The following MED1 variants were observed in gnomAD, a reference collection of about 807,000 sequenced individuals.
MED1 encodes mediator complex subunit 1, also known as mediator of RNA polymerase II transcription subunit 1.
Under a neutral mutation model 121.3 loss-of-function variants are expected in MED1, and 17 were observed. The observed-to-expected ratio is 0.14, with a 90% confidence interval of 0.10 to 0.21. The LOEUF (loss-of-function observed/expected upper bound fraction) is 0.21. Among genes scored for constraint, MED1 ranks in the 10% least tolerant of loss-of-function variants. The pLI, the probability that MED1 is intolerant of heterozygous loss-of-function variation, is 1.00. For synonymous variants in MED1, 661 were observed against 694.4 expected (o/e 0.95, Z 0.76); for missense variants, 1,558 against 1,919.4 (o/e 0.81, Z 3.52).
At chr17:39,442,364 G>A (rs541854560) in intron 3 of MED1, among the ~76,000 whole-genome samples, 2 of 151,736 alleles carry the variant, frequency 1.3e-5, no homozygotes, top group Admixed American at 6.6e-5. Context: ...TTGGGAGGCC[G>A]AGGCGGGTGG....
At position 39,405,742 on chromosome 17, in the gene MED1, G is replaced by A. The variant is rs1223974123; in HGVS notation, c.*1733C>T. ...AGTGGCAGAGTTGTTGAGAGCTGAT[G>A]ACAATAAAAAGGAGAACACTAGAGG... On this transcript the variant is annotated 3_prime_UTR_variant, in exon 17 of 17. Coordinates refer to ENST00000300651, the MANE Select transcript of MED1 (RefSeq NM_004774.4). 2 of 988,790 alleles carry A rather than the reference G, an allele frequency of 2.0e-6. No individual in the cohort carries two copies. Among genetic ancestry groups the A allele is most frequent in the South Asian group, 4.6e-5 (1 of 21,534 alleles). 61.3% of individuals were successfully genotyped at this position (988,790 alleles called of 1,614,324 possible). A position where few individuals can be genotyped will look rare whatever the true frequency, so the allele number is the denominator to read the frequency against.
chr17:39,443,931 C>A (rs1351190014), intron 2 of MED1, among the ~76,000 whole-genome samples: 1 of 151,962 alleles, frequency 6.6e-6, no homozygotes, highest in East Asian at 1.9e-4. Context: ...GAGTTCGAGA[C>A]CAGCCAAGGC....
chr17:39,409,806 G>A lies in MED1; in HGVS notation c.2415C>T (p.Thr805=). The A allele has an allele frequency of 6.2e-7, 1 of 1,614,062 alleles. No individual in the cohort carries two copies. The highest frequency in any genetic ancestry group is 2.2e-5 in the East Asian group (1 of 44,894). The change falls in exon 17 of 17, where the codon ACC becomes ACT. Residue 805 remains threonine, a synonymous_variant. Coordinates refer to ENST00000300651, the MANE Select transcript of MED1 (RefSeq NM_004774.4). ...STSDDCPAIG[T]PLRDSSSSGH... ...CAGAGCTTGAAGAATCTCGAAGAGG[G>A]GTGCCAATGGCTGGGCAATCATCAC...
At chr17:39,439,142 G>C in intron 6 of MED1, 23 bp downstream of exon 6, 1 of 1,588,972 alleles carries the variant, frequency 6.3e-7, no homozygotes, top group Non-Finnish European at 8.5e-7. Context: ...CAATATCAAG[G>C]AATATAAATC....
At chr17:39,439,091 ACCAGTCTTAAAAG>A in intron 6 of MED1, 61 bp downstream of exon 6, 1 of 1,325,624 alleles carries the variant, frequency 7.5e-7, no homozygotes. Flanking sequence ...ATAACTTCTG[ACCAGTCTTAAAAG>A]CCAGCTGTAA....
At chr17:39,412,673 G>A (rs899646003) in intron 16 of MED1, among the ~76,000 whole-genome samples, 16 of 151,624 alleles carry the variant, frequency 1.1e-4, no homozygotes, top group Non-Finnish European at 1.9e-4. Context: ...AAGTAGCTGG[G>A]ATTACAGAAG....
At chr17:39,419,210 G>A (rs371750179) in intron 14 of MED1, among the ~76,000 whole-genome samples, 1 of 151,908 alleles carries the variant, frequency 6.6e-6, no homozygotes, top group Non-Finnish European at 1.5e-5. Flanking sequence ...TCAGGATCCC[G>A]AGTAGCTGGG....
intron 16 of MED1, among the ~76,000 whole-genome samples, chr17:39,413,314 G>T (rs970409554): frequency 2.6e-5 from 4 of 152,116 alleles, no homozygotes; most frequent in African/African-American, 9.7e-5. Flanking sequence ...CCAGGCTAAA[G>T]AACAGTGGCG....
chr17:39,440,161 C>G lies in MED1; in HGVS notation c.399+225G>C, dbSNP rs1296650445. On this transcript the variant is annotated intron_variant, in intron 5 of 16. Transcript: ENST00000300651. This position sits in a 1 kb window ranked among gnomAD's most constrained non-coding sequence, Gnocchi z 4.1. ...GGAAGGAAGGAAAGGGAAAAGGGTT[C>G]CTATGGTGTTTCCACTTGTTAAAGC... Among the ~76,000 whole-genome samples the G allele has an allele frequency of 6.6e-6, 1 of 151,882 alleles. No homozygotes were observed. Among genetic ancestry groups the G allele is most frequent in the East Asian group, 1.9e-4 (1 of 5,184 alleles).
chr17:39,439,277 G>T, intron 5 of MED1, 84 bp from the exon 6 acceptor site: 1 of 1,059,296 alleles, frequency 9.4e-7, no homozygotes, highest in Non-Finnish European at 1.4e-6. Flanking sequence ...TTTTTCTATA[G>T]CACATGTTTT....
Position 39,405,829 on chromosome 17 carries a change from G to A in MED1, c.*1646C>T. The A allele has an allele frequency of 1.1e-5, 11 of 985,726 alleles. No individual in the cohort carries two copies. The highest frequency in any genetic ancestry group is 1.3e-5 in the Non-Finnish European group (11 of 830,182). The allele number at this position is 985,726 out of a possible 1,614,324, so 61.1% of individuals were successfully genotyped here. ...AACTCTATGCTGACTCCAACCTGCA[G>A]AAAAAGCTGAATATAGAAATCTTCT... On this transcript the variant is annotated 3_prime_UTR_variant, in exon 17 of 17. Transcript: ENST00000300651.
chr17:39,435,414 T>C (rs2048609103), intron 6 of MED1, among the ~76,000 whole-genome samples: 1 of 151,948 alleles, frequency 6.6e-6, no homozygotes, highest in Non-Finnish European at 1.5e-5. Context: ...GTCGGACAAA[T>C]GGGCTTTTGT....
chr17:39,426,295 G>T (rs2048514730), intron 10 of MED1, among the ~76,000 whole-genome samples: 1 of 151,764 alleles, frequency 6.6e-6, no homozygotes, highest in African/African-American at 2.4e-5. Context: ...AAAAATACAA[G>T]AATTAGCCGG....
Position 39,440,509 on chromosome 17 carries a change from A to C in MED1, c.276T>G (p.Ser92=), listed in dbSNP as rs760045694. ...ATTCAGTGCCACTGGCACTGAGATG[A>C]GAGCCCAGTCTAGCAGGAACAAATC... ...ESIARQNGLG[S]HLSASGTECY... The change falls in exon 5 of 17, where the codon TCT becomes TCG. Residue 92 remains serine (S), a synonymous_variant. Coordinates refer to ENST00000300651, the MANE Select transcript of MED1 (RefSeq NM_004774.4). This position sits in a 1 kb window ranked among gnomAD's most constrained non-coding sequence, Gnocchi z 4.1. The C allele has an allele frequency of 6.2e-7, 1 of 1,610,948 alleles. No individual in the cohort carries two copies. Among genetic ancestry groups the C allele is most frequent in the South Asian group, 1.1e-5 (1 of 90,236 alleles).
At chr17:39,416,631 C>G (rs1040624280) in intron 14 of MED1, among the ~76,000 whole-genome samples, 3 of 152,140 alleles carry the variant, frequency 2.0e-5, no homozygotes, top group African/African-American at 7.2e-5. Flanking sequence ...CATATATGCT[C>G]TATGTTATTA....
At chr17:39,432,792 C>A (rs1054139401) in intron 7 of MED1, among the ~76,000 whole-genome samples, 20 of 151,562 alleles carry the variant, frequency 1.3e-4, no homozygotes, top group African/African-American at 4.6e-4. Context: ...TGGCCAGGCG[C>A]GGTGGCTCAC....
chr17:39,412,835 G>A (rs749170638), intron 16 of MED1, among the ~76,000 whole-genome samples: 3 of 151,814 alleles, frequency 2.0e-5, no homozygotes, highest in Non-Finnish European at 2.9e-5. Flanking sequence ...GCACCCGGCC[G>A]CAAATTTTTC....
At chr17:39,417,563 A>T (rs2048422110) in intron 14 of MED1, among the ~76,000 whole-genome samples, 1 of 152,114 alleles carries the variant, frequency 6.6e-6, no homozygotes, top group South Asian at 2.1e-4. Flanking sequence ...CAGGAGGCAG[A>T]GCTTGCAGTG....
At position 39,409,219 on chromosome 17, in the gene MED1, T is replaced by C. The variant is rs1446135773; in HGVS notation, c.3002A>G (p.Asn1001Ser). Reference sequence around the variant, plus strand: ...AGGCTTATCTTTGCTTTTCCCATCATTAGAAGGGGTCCGACTGCGCTTCCC... The same window carrying C: ...AGGCTTATCTTTGCTTTTCCCATCACTAGAAGGGGTCCGACTGCGCTTCCC... ...KPGKRSRTPSNDGKSKDKPPK... is the reference protein window; with the variant it reads ...KPGKRSRTPSSDGKSKDKPPK... The change falls in exon 17 of 17, where the codon AAT (asparagine) becomes AGT (serine). Residue 1001 changes from asparagine to serine, a missense_variant. Around this residue, in one of 5 missense-constraint regions of MED1, gnomAD observed 793 missense variants for 898.2 expected, o/e 0.88. Transcript: ENST00000300651. 1.2e-6 allele frequency: 2 copies of C among 1,614,038 alleles called. No homozygotes were observed. The highest frequency in any genetic ancestry group is 3.3e-5 in the Admixed American group (2 of 60,002).
Sources: gnomAD v4.1 joint callset for allele counts (sites outside exome capture counted in the v4.1 genomes callset) on GRCh38, gnomAD v4.1.1 for gene constraint, gnomAD v4.1.1 regional missense constraint, Gnocchi (gnomAD v3.1) non-coding constraint, MANE v1.5 for transcripts, NCBI Gene and HGNC (gene_info 2026-07-23, HGNC 2026-07-21) for gene names.